Variants in CREBRF observed in about 807,000 individuals in gnomAD.
CREBRF encodes the protein UPF0474 protein C5orf41.
In CREBRF, 5 loss-of-function variants were observed where a neutral mutation model predicts 66.1. The ratio of observed to expected loss-of-function variants is 0.08; its 90% CI spans 0.04 to 0.16. CREBRF has a LOEUF of 0.16. CREBRF is among the 10% of genes least tolerant of loss of function. The pLI is 1.00. For missense variants in CREBRF, 531 were observed against 744.9 expected (o/e 0.71, Z 3.34); for synonymous variants, 229 against 264.4 (o/e 0.87, Z 1.30).
intron 1 of CREBRF, among the ~76,000 whole-genome samples, chr5:173,058,401 G>C (rs1052367157): frequency 6.6e-6 from 1 of 152,128 alleles, no homozygotes; most frequent in African/African-American, 2.4e-5. Flanking sequence ...GGGCTAATCA[G>C]AGTTAGCTGT....
chr5:173,117,084 G>T (rs962380533), intron 7 of CREBRF, among the ~76,000 whole-genome samples: 1 of 151,972 alleles, frequency 6.6e-6, no homozygotes, highest in Non-Finnish European at 1.5e-5. Flanking sequence ...TCTTCTAAAG[G>T]TTCTTTATTC....
At chr5:173,099,866 C>T (rs1758570889) in intron 4 of CREBRF, among the ~76,000 whole-genome samples, 1 of 150,670 alleles carries the variant, frequency 6.6e-6, no homozygotes, top group African/African-American at 2.4e-5. Context: ...TATTGTGTAT[C>T]CCTTAAGAAA....
chr5:173,087,015 C>T (rs1218148804), intron 3 of CREBRF, among the ~76,000 whole-genome samples: 1 of 149,464 alleles, frequency 6.7e-6, no homozygotes, highest in South Asian at 2.1e-4. Context: ...GGTGCGATCT[C>T]GGCTCACTGC....
chr5:173,080,527 TGAAACATCAAC>T, intron 1 of CREBRF, 47 bp from the exon 2 acceptor site: 2 of 533,794 alleles, frequency 3.7e-6, no homozygotes, highest in Non-Finnish European at 3.3e-6. Flanking sequence ...ACTTTTTTTT[TGAAACATCAAC>T]TTGTTTTTCC....
At chr5:173,069,362 CAG>C (rs1757534769) in intron 1 of CREBRF, among the ~76,000 whole-genome samples, 1 of 151,220 alleles carries the variant, frequency 6.6e-6, no homozygotes, top group African/African-American at 2.4e-5. Context: ...TTTTTTGAGA[CAG>C]AGTCTCACTC....
At chr5:173,130,882 T>C (rs1378112968) in intron 8 of CREBRF, among the ~76,000 whole-genome samples, 2 of 152,118 alleles carry the variant, frequency 1.3e-5, no homozygotes, top group Non-Finnish European at 2.9e-5. Flanking sequence ...TGTTTTTGCA[T>C]TTTTAGTAGA....
At chr5:173,093,183 G>T (rs1026841385) in intron 4 of CREBRF, among the ~76,000 whole-genome samples, 2 of 152,118 alleles carry the variant, frequency 1.3e-5, no homozygotes, top group Non-Finnish European at 2.9e-5. Context: ...CAAATGTGGG[G>T]AAGGAAATGC....
chr5:173,126,374 C>T (rs1759275343), intron 8 of CREBRF, among the ~76,000 whole-genome samples: 1 of 152,222 alleles, frequency 6.6e-6, no homozygotes, highest in Non-Finnish European at 1.5e-5. Flanking sequence ...CTCCTGACAT[C>T]AAGTGATCTG....
chr5:173,104,268 G>A (rs541856676), intron 4 of CREBRF, among the ~76,000 whole-genome samples: 2 of 152,204 alleles, frequency 1.3e-5, no homozygotes, highest in African/African-American at 4.8e-5. Flanking sequence ...CATATCTCAC[G>A]GTAACAGTGT....
In CREBRF at chr5:173,090,473, A is replaced by G; in HGVS notation, c.294A>G (p.Leu98=). ...WEQWDTYCED[L]TKYTKLTSCD... ...AGTGGGATACATACTGTGAAGACCT[A>G]ACGAAATATACCAAACTAACCAGCT... Residue 98 remains leucine, a synonymous_variant, in exon 4 of 9, where the codon CTA becomes CTG. Transcript: ENST00000296953. The surrounding 1 kb of genome is among the most constrained non-coding windows in gnomAD (Gnocchi z 4.5). The G allele has an allele frequency of 6.2e-7, 1 of 1,613,792 alleles. No individual in the cohort carries two copies. Among genetic ancestry groups the G allele is most frequent in the Non-Finnish European group, 8.5e-7 (1 of 1,179,682 alleles).
rs1379232274 is a variant in CREBRF at position 173,091,276 on chromosome 5, A to T, written c.1097A>T (p.Asp366Val). The part of the protein sequence containing the change: ...EDEEDEEDVD[D>V]EDHDEGFGSE... The stretch of plus-strand genomic sequence containing the variant: ...GAGGAGGACGAGGAGGATGTTGATG[A>T]TGAGGACCATGATGAAGGATTCGGC... The change falls in exon 4 of 9, where the codon GAT becomes GTT. Residue 366 changes from aspartate (D) to valine (V), a missense_variant. By Grantham distance (152) the Asp-to-Val change is radical. Around this residue, in one of 5 missense-constraint regions of CREBRF, gnomAD observed 309 missense variants for 341.4 expected, o/e 0.90. Coordinates refer to ENST00000296953, the MANE Select transcript of CREBRF (RefSeq NM_153607.3). 1 of 1,613,658 alleles carries T rather than the reference A, an allele frequency of 6.2e-7. No individual in the cohort carries two copies. The highest frequency in any genetic ancestry group is 8.5e-7 in the Non-Finnish European group (1 of 1,179,836).
intron 6 of CREBRF, among the ~76,000 whole-genome samples, chr5:173,111,379 G>T (rs1019809482): frequency 6.6e-6 from 1 of 151,910 alleles, no homozygotes; most frequent in Non-Finnish European, 1.5e-5. Context: ...GGATCTTCCC[G>T]CCTCAGCCCC....
chr5:173,118,692 C>T (rs534770310), intron 7 of CREBRF, among the ~76,000 whole-genome samples: 3 of 151,090 alleles, frequency 2.0e-5, no homozygotes, highest in South Asian at 4.2e-4. Flanking sequence ...TATTCTGTTT[C>T]ATTGATACAT....
At chr5:173,125,660 C>G (rs1488387737) in intron 8 of CREBRF, among the ~76,000 whole-genome samples, 1 of 151,990 alleles carries the variant, frequency 6.6e-6, no homozygotes, top group Non-Finnish European at 1.5e-5. Flanking sequence ...GTCAGGAGAT[C>G]GAGATCATCC....
At chr5:173,062,427 A>G (rs1373789057) in intron 1 of CREBRF, among the ~76,000 whole-genome samples, 2 of 152,196 alleles carry the variant, frequency 1.3e-5, no homozygotes, top group African/African-American at 4.8e-5. Flanking sequence ...GTTAGAAAGG[A>G]GGAATTAATC....
intron 7 of CREBRF, among the ~76,000 whole-genome samples, chr5:173,115,167 C>T (rs1462748874): frequency 2.7e-5 from 4 of 148,440 alleles, no homozygotes; most frequent in Admixed American, 1.4e-4. Context: ...AGTGCAATGG[C>T]GCGATCTCGG....
Position 173,058,318 on chromosome 5 carries a change from G to A in CREBRF, c.-192+1839G>A, listed in dbSNP as rs186739096. ...CCTGTGGCTACGTTGGTATTGTCAAGGGTACCAAGCTCTTGATGGCATCTT... is the reference window on the plus strand; with the variant it reads ...CCTGTGGCTACGTTGGTATTGTCAAAGGTACCAAGCTCTTGATGGCATCTT... On this transcript the variant is annotated intron_variant, in intron 1 of 8. Transcript: ENST00000296953. 4.8e-3 allele frequency among the ~76,000 whole-genome samples: 731 copies of A among 152,232 alleles called. 6 individuals carry two copies. Among genetic ancestry groups the A allele is most frequent in the South Asian group, 7.5e-3 (36 of 4,828 alleles).
At chr5:173,093,401 A>G (rs142462603) in intron 4 of CREBRF, among the ~76,000 whole-genome samples, 3 of 152,336 alleles carry the variant, frequency 2.0e-5, no homozygotes, top group African/African-American at 4.8e-5. Context: ...TTACATATGT[A>G]TACATTGTGA....
chr5:173,103,007 T>C (rs1264815085), intron 4 of CREBRF, among the ~76,000 whole-genome samples: 1 of 152,204 alleles, frequency 6.6e-6, no homozygotes, highest in Non-Finnish European at 1.5e-5. Context: ...CATGGTTAAT[T>C]GATCGCCATT....
Sources: gnomAD v4.1 joint callset for allele counts (sites outside exome capture counted in the v4.1 genomes callset) on GRCh38, gnomAD v4.1.1 for gene constraint, gnomAD v4.1.1 regional missense constraint, Gnocchi (gnomAD v3.1) non-coding constraint, MANE v1.5 for transcripts, NCBI Gene and HGNC (gene_info 2026-07-23, HGNC 2026-07-21) for gene names.